The following A2ML1 variants were observed in gnomAD, a reference collection of about 807,000 sequenced individuals.
A2ML1 encodes the protein alpha-2-macroglobulin like 1, also known as alpha-2-macroglobulin-like protein 1.
A2ML1 carries 161 observed loss-of-function variants against 181.9 expected under a neutral mutation model. That is an observed-to-expected ratio of 0.89 (90% CI 0.78 to 1.01). The LOEUF (loss-of-function observed/expected upper bound fraction) is 1.01. A2ML1 is among the 50% of genes least tolerant of loss of function. The pLI is 0.00. For synonymous variants in A2ML1, 663 were observed against 666.8 expected (o/e 0.99, Z 0.09); for missense variants, 1,670 against 1,768.1 (o/e 0.94, Z 1.00).
chr12:8,860,912 C>T lies in A2ML1; in HGVS notation c.3296C>T (p.Ala1099Val), dbSNP rs751968824. The stretch of plus-strand genomic sequence containing the variant: ...GTTGATGATGAGGTCTCCTTGACTG[C>T]GTATGTCACAGCTGCATTGCTGGAG... ...GGVDDEVSLT[A>V]YVTAALLEMG... Residue 1099 changes from alanine to valine, a missense_variant, in exon 27 of 36, where the codon GCG becomes GTG. By Grantham distance (64) the Ala-to-Val change is moderately conservative. Coordinates refer to ENST00000299698, the MANE Select transcript of A2ML1 (RefSeq NM_144670.6). 9 of 1,614,052 alleles carry T rather than the reference C, an allele frequency of 5.6e-6. No individual in the cohort carries two copies. Among genetic ancestry groups the T allele is most frequent in the African/African-American group, 2.7e-5 (2 of 74,958 alleles).
chr12:8,855,625 A>G, intron 23 of A2ML1, 33 bp downstream of exon 23: 2 of 1,608,390 alleles, frequency 1.2e-6, no homozygotes, highest in Non-Finnish European at 8.5e-7. Context: ...CTCAGAAAGG[A>G]AAAGGCGAAT....
At chr12:8,844,222 G>A (rs1943590088) in intron 12 of A2ML1, among the ~76,000 whole-genome samples, 1 of 151,374 alleles carries the variant, frequency 6.6e-6, no homozygotes, top group Non-Finnish European at 1.5e-5. Flanking sequence ...CCAGCTGGGT[G>A]GTTGGGAGGG....
At chr12:8,850,555 A>T (rs1421817829) in intron 18 of A2ML1, among the ~76,000 whole-genome samples, 1 of 152,142 alleles carries the variant, frequency 6.6e-6, no homozygotes, top group Non-Finnish European at 1.5e-5. Flanking sequence ...CTTGGGTGAC[A>T]GAGCAAAACC....
At chr12:8,840,846 G>T (rs1943443427) in intron 10 of A2ML1, among the ~76,000 whole-genome samples, 1 of 151,642 alleles carries the variant, frequency 6.6e-6, no homozygotes, top group Non-Finnish European at 1.5e-5. Context: ...GGTAGAGGTT[G>T]CAGTGAGCTG....
chr12:8,847,747 G>A, intron 15 of A2ML1, 49 bp downstream of exon 15: 1 of 1,583,838 alleles, frequency 6.3e-7, no homozygotes, highest in South Asian at 1.2e-5. Flanking sequence ...TGATGGAGAA[G>A]ACAATTAAGA....
intron 29 of A2ML1, among the ~76,000 whole-genome samples, chr12:8,865,495 C>T (rs541237314): frequency 3.9e-5 from 6 of 152,162 alleles, no homozygotes; most frequent in East Asian, 1.9e-4. Flanking sequence ...GCCGAGATGG[C>T]GCCATTGCAC....
At position 8,852,255 on chromosome 12, in the gene A2ML1, T is replaced by C. The variant is rs1439490873; in HGVS notation, c.2509T>C (p.Trp837Arg). ...AKSHEYQLES[W>R]ADSQTSSCLC... ...ATCGCATGAGTACCAGCTAGAATCA[T>C]GGGCAGATTCTCAGACCTCCAGTTG... Residue 837 changes from tryptophan to arginine, a missense_variant, in exon 20 of 36, where the codon TGG becomes CGG. Trp to Arg is a moderately radical substitution (Grantham distance 101). Transcript: ENST00000299698. The surrounding 1 kb of genome is among the most constrained non-coding windows in gnomAD (Gnocchi z 4.2). 9.9e-6 allele frequency: 16 copies of C among 1,614,132 alleles called. No individual in the cohort carries two copies. The highest frequency in any genetic ancestry group is 1.3e-5 in the Non-Finnish European group (15 of 1,180,010).
chr12:8,837,356 A>T, intron 7 of A2ML1, 84 bp from the exon 8 acceptor site: 1 of 1,524,290 alleles, frequency 6.6e-7, no homozygotes, highest in South Asian at 1.1e-5. Context: ...CTGGAGTGTG[A>T]GAGGGAAGAA....
intron 3 of A2ML1, among the ~76,000 whole-genome samples, chr12:8,828,021 C>T (rs1169212811): frequency 6.6e-6 from 1 of 152,216 alleles, no homozygotes; most frequent in Non-Finnish European, 1.5e-5. Context: ...ACCCCTGTGG[C>T]CACCAGCATT....
chr12:8,861,778 C>G (rs138039620), intron 28 of A2ML1, among the ~76,000 whole-genome samples: 3 of 149,698 alleles, frequency 2.0e-5, no homozygotes, highest in Non-Finnish European at 4.4e-5. Flanking sequence ...TGAGCCACCA[C>G]GCCCGAGTTT....
Position 8,823,337 on chromosome 12 carries a change from A to G in A2ML1, c.218A>G (p.Lys73Arg). Residue 73 changes from lysine to arginine, a missense_variant, in exon 2 of 36, where the codon AAG (lysine) becomes AGG (arginine). Lys to Arg is a conservative substitution (Grantham distance 26). Transcript: ENST00000299698. ...TTGCTAGAATACTCTGGACTGAAGA[A>G]GAGGCACTTACATTGTATCTCCTTT... ...QKLLEYSGLK[K>R]RHLHCISFLV... 1.2e-6 allele frequency: 2 copies of G among 1,614,038 alleles called. No individual in the cohort carries two copies. The highest frequency in any genetic ancestry group is 1.7e-6 in the Non-Finnish European group (2 of 1,179,994).
chr12:8,857,503 C>T lies in A2ML1; in HGVS notation c.3026-4C>T. ...GTGATCTAAAACCACATTTGGCTTC[C>T]CAGGGTACCAGAAGGAGCTGATGTA... On this transcript the variant is annotated splice_polypyrimidine_tract_variant and splice_region_variant and intron_variant, in intron 24 of 35. Transcript: ENST00000299698. The T allele has an allele frequency of 6.2e-7, 1 of 1,611,578 alleles. No homozygotes were observed. The highest frequency in any genetic ancestry group is 8.5e-7 in the Non-Finnish European group (1 of 1,179,088).
chr12:8,864,090 C>A, intron 29 of A2ML1, 82 bp downstream of exon 29: 1 of 1,295,098 alleles, frequency 7.7e-7, no homozygotes, highest in Non-Finnish European at 1.1e-6. Flanking sequence ...ATTGTCCTTG[C>A]CTTCTCGGTC....
At chr12:8,869,058 C>A (rs1413987963) in intron 32 of A2ML1, 77 bp from the exon 33 acceptor site, 2 of 1,406,796 alleles carry the variant, frequency 1.4e-6, no homozygotes, top group African/African-American at 1.4e-5. Flanking sequence ...TTTCCTTGAT[C>A]ATGGCAGAGC....
rs1592137773 is a variant in A2ML1 at position 8,852,961 on chromosome 12, G to T, written c.2590+625G>T. On this transcript the variant is annotated intron_variant, in intron 20 of 35. Coordinates refer to ENST00000299698, the MANE Select transcript of A2ML1 (RefSeq NM_144670.6). The surrounding 1 kb of genome is among the most constrained non-coding windows in gnomAD (Gnocchi z 4.2). The stretch of plus-strand genomic sequence containing the variant: ...CCTGCCTGCCTCGGCCTCCCAAAGT[G>T]CTGGGATTACAGGCGTGAGCCGCTG... 6.6e-6 allele frequency among the ~76,000 whole-genome samples: 1 copy of T among 152,268 alleles called. No individual in the cohort carries two copies. Among genetic ancestry groups the T allele is most frequent in the East Asian group, 1.9e-4 (1 of 5,180 alleles).
chr12:8,825,088 C>T (rs1414372934), intron 3 of A2ML1, among the ~76,000 whole-genome samples: 2 of 152,114 alleles, frequency 1.3e-5, no homozygotes, highest in East Asian at 3.9e-4. Context: ...ATACTGATTT[C>T]CTTTCTTTTG....
chr12:8,859,488 C>A lies in A2ML1; in HGVS notation c.3264+1386C>A, dbSNP rs139776155. Reference sequence around the variant, plus strand: ...GGATCATGAGGTCAGGAATTAGAGACCAGTCTGAAACCCTGTCTCTACTAA... The same window carrying A: ...GGATCATGAGGTCAGGAATTAGAGAACAGTCTGAAACCCTGTCTCTACTAA... On this transcript the variant is annotated intron_variant, in intron 26 of 35. Transcript: ENST00000299698. 1.3e-3 allele frequency among the ~76,000 whole-genome samples: 194 copies of A among 152,184 alleles called. 4 individuals carry two copies. The highest frequency in any genetic ancestry group is 4.4e-3 in the African/African-American group (183 of 41,492).
intron 12 of A2ML1, chr12:8,845,237 C>T: frequency 1.3e-6 from 2 of 1,528,170 alleles, no homozygotes; most frequent in Non-Finnish European, 1.8e-6. Context: ...TCAGCCAGAC[C>T]TCCAACTGCA....
chr12:8,830,234 T>TTGGCC (rs1453342907), intron 4 of A2ML1, among the ~76,000 whole-genome samples: 10 of 151,988 alleles, frequency 6.6e-5, no homozygotes, highest in Non-Finnish European at 1.5e-4. Flanking sequence ...GTATTTTTAG[T>TTGGCC]AAAAACAGGG....
Sources: allele counts gnomAD v4.1 joint callset (sites outside exome capture counted in the v4.1 genomes callset), GRCh38; gene constraint gnomAD v4.1.1; non-coding constraint Gnocchi (gnomAD v3.1); transcripts MANE v1.5; gene names NCBI Gene and HGNC (gene_info 2026-07-23, HGNC 2026-07-21).